SIPA1L3: variants seen among roughly 807,000 people sequenced by gnomAD.
SIPA1L3 encodes the protein signal-induced proliferation-associated 1-like protein 3.
A neutral mutation model predicts 150.1 loss-of-function variants in SIPA1L3; 59 were observed. The ratio of observed to expected loss-of-function variants is 0.39; its 90% CI spans 0.32 to 0.49. The LOEUF is 0.49. Among genes scored for constraint, SIPA1L3 ranks in the 20% least tolerant of loss-of-function variants. The pLI, the probability that SIPA1L3 is intolerant of heterozygous loss-of-function variation, is 0.86. For synonymous variants in SIPA1L3, 1,070 were observed against 1,077.6 expected (o/e 0.99, Z 0.14); for missense variants, 2,211 against 2,489.5 (o/e 0.89, Z 2.38).
chr19:37,989,209 C>T (rs754485266), intron 1 of SIPA1L3, among the ~76,000 whole-genome samples: 4 of 152,084 alleles, frequency 2.6e-5, no homozygotes, highest in Non-Finnish European at 5.9e-5. Flanking sequence ...TGGGGCAGCT[C>T]CTGTTTTTTG....
intron 1 of SIPA1L3, among the ~76,000 whole-genome samples, chr19:37,912,948 C>T (rs1448043233): frequency 6.6e-6 from 1 of 152,142 alleles, no homozygotes; most frequent in African/African-American, 2.4e-5. Flanking sequence ...GTAAAGTGCC[C>T]TGACCACAGT....
In SIPA1L3 at chr19:38,192,222, G is replaced by A. The variant is rs148301092; in HGVS notation, c.4508G>A (p.Arg1503Gln). ...TCCCTCCGAGACCTCCGGTCACCAC[G>A]GAAGAACTACAAATCCACCATCGAG... ...RASLRDLRSP[R>Q]KNYKSTIEDD... Residue 1503 changes from arginine (R) to glutamine (Q), a missense_variant, in exon 17 of 22, where the codon CGG becomes CAG. Physicochemically the swap from Arg to Gln is conservative, Grantham distance 43 (BLOSUM62 1). Coordinates refer to ENST00000222345, the MANE Select transcript of SIPA1L3 (RefSeq NM_015073.3). 1.0e-4 allele frequency: 165 copies of A among 1,613,542 alleles called. No individual in the cohort carries two copies. Among genetic ancestry groups the A allele is most frequent in the Non-Finnish European group, 1.3e-4 (151 of 1,179,822 alleles).
At chr19:38,076,948 A>G (rs2145811243) in intron 2 of SIPA1L3, among the ~76,000 whole-genome samples, 1 of 152,336 alleles carries the variant, frequency 6.6e-6, no homozygotes, top group South Asian at 2.1e-4. Context: ...ATACCTATAG[A>G]TTGTAATTTG....
intron 2 of SIPA1L3, among the ~76,000 whole-genome samples, chr19:38,073,248 G>A (rs1002827652): frequency 2.0e-5 from 3 of 152,152 alleles, no homozygotes; most frequent in Middle Eastern, 3.2e-3. Flanking sequence ...TGACCGTGAC[G>A]CAGCAAGCCA....
chr19:38,180,910 T>C (rs901893501), intron 15 of SIPA1L3, among the ~76,000 whole-genome samples: 1 of 152,212 alleles, frequency 6.6e-6, no homozygotes, highest in Non-Finnish European at 1.5e-5. Flanking sequence ...TTGGTGTTTG[T>C]TGAGCTTCTT....
At chr19:37,946,578 TG>T (rs1264616656) in intron 1 of SIPA1L3, among the ~76,000 whole-genome samples, 1 of 150,134 alleles carries the variant, frequency 6.7e-6, no homozygotes, top group African/African-American at 2.4e-5. Context: ...CCTATTTCTC[TG>T]GGGGGTATTT....
At chr19:38,170,016 T>G (rs1292507181) in intron 15 of SIPA1L3, among the ~76,000 whole-genome samples, 5 of 83,140 alleles carry the variant, frequency 6.0e-5, no homozygotes, top group South Asian at 3.7e-4. Flanking sequence ...GGGGCCAGGG[T>G]GGGCTGGAGG....
intron 1 of SIPA1L3, among the ~76,000 whole-genome samples, chr19:37,966,950 C>T (rs2046909545): frequency 6.6e-6 from 1 of 152,142 alleles, no homozygotes; most frequent in African/African-American, 2.4e-5. Context: ...GGTGACCTCG[C>T]CCCTCTGGAC....
chr19:37,971,867 T>C (rs1966950112), intron 1 of SIPA1L3, among the ~76,000 whole-genome samples: 1 of 152,098 alleles, frequency 6.6e-6, no homozygotes, highest in Admixed American at 6.6e-5. Flanking sequence ...ACGCCCGGCC[T>C]GAGTGTCATG....
rs747386407 is a variant in SIPA1L3, at chr19:38,082,043, G to A, written c.478G>A (p.Gly160Ser). 1 of 1,613,956 alleles carries A rather than the reference G, an allele frequency of 6.2e-7. No individual in the cohort carries two copies. Among genetic ancestry groups the A allele is most frequent in the Non-Finnish European group, 8.5e-7 (1 of 1,179,992 alleles). Residue 160 changes from glycine to serine, a missense_variant, in exon 3 of 22, where the codon GGC (glycine) becomes AGC (serine). By Grantham distance (56) the Gly-to-Ser change is moderately conservative (BLOSUM62 0). Transcript: ENST00000222345. The part of the protein sequence containing the change: ...EFQDGWPRSP[G>S]RAFLPLRHRS... ...CCAGGACGGGTGGCCCCGGTCCCCC[G>A]GCAGGGCCTTCCTCCCCCTTCGGCA...
intron 1 of SIPA1L3, among the ~76,000 whole-genome samples, chr19:37,983,734 C>T (rs559677064): frequency 2.6e-4 from 39 of 151,780 alleles, no homozygotes; most frequent in Middle Eastern, 3.4e-3. Context: ...GGTGAAACCC[C>T]GTCTGTACAA....
intron 9 of SIPA1L3, among the ~76,000 whole-genome samples, chr19:38,120,111 CAA>C (rs1242733383): frequency 1.2e-4 from 18 of 152,076 alleles, no homozygotes; most frequent in Admixed American, 8.5e-4. Context: ...CTTGGAAAGA[CAA>C]GAGATACTTA....
chr19:38,063,825 A>AAAT (rs911497297), intron 2 of SIPA1L3, among the ~76,000 whole-genome samples: 2 of 152,182 alleles, frequency 1.3e-5, no homozygotes, highest in African/African-American at 2.4e-5. Context: ...ACTGAGAAAA[A>AAAT]AATAATAATA....
chr19:38,035,199 A>C (rs534202798), intron 2 of SIPA1L3, among the ~76,000 whole-genome samples: 4 of 152,272 alleles, frequency 2.6e-5, no homozygotes, highest in Non-Finnish European at 5.9e-5. Context: ...TCTTCAGTGA[A>C]ACTCTCACGA....
intron 1 of SIPA1L3, among the ~76,000 whole-genome samples, chr19:37,948,500 G>A (rs1293798360): frequency 1.3e-5 from 2 of 151,886 alleles, no homozygotes; most frequent in Non-Finnish European, 2.9e-5. Flanking sequence ...AAGAGTGGTT[G>A]GCACATAGTA....
At chr19:38,144,240 G>A (rs1237331670) in intron 12 of SIPA1L3, among the ~76,000 whole-genome samples, 2 of 152,236 alleles carry the variant, frequency 1.3e-5, no homozygotes, top group African/African-American at 2.4e-5. Context: ...GTGTGCTTGC[G>A]CACGTGCATG....
chr19:38,086,762 C>T (rs998226714), intron 3 of SIPA1L3, among the ~76,000 whole-genome samples: 2 of 152,174 alleles, frequency 1.3e-5, no homozygotes, highest in Non-Finnish European at 2.9e-5. Flanking sequence ...GGCATAGGGA[C>T]CACTGCAGCG....
intron 2 of SIPA1L3, among the ~76,000 whole-genome samples, chr19:38,038,779 T>A (rs1015420733): frequency 7.2e-5 from 11 of 152,244 alleles, no homozygotes; most frequent in African/African-American, 2.7e-4. Flanking sequence ...TTGGCAACTT[T>A]AAGAAATCCC....
chr19:38,176,043 T>TA, intron 15 of SIPA1L3, among the ~76,000 whole-genome samples: 1 of 152,156 alleles, frequency 6.6e-6, no homozygotes, highest in East Asian at 1.9e-4. Context: ...CCGTCTCTAC[T>TA]AAAAAATACA....
Sources: gnomAD v4.1 joint callset for allele counts (sites outside exome capture counted in the v4.1 genomes callset) on GRCh38, gnomAD v4.1.1 for gene constraint, MANE v1.5 for transcripts, NCBI Gene and HGNC (gene_info 2026-07-23, HGNC 2026-07-21) for gene names.